PCNT: variants seen among roughly 807,000 people sequenced by gnomAD.
PCNT encodes the protein kendrin.
Under a neutral mutation model 380.4 loss-of-function variants are expected in PCNT, and 319 were observed. The ratio of observed to expected loss-of-function variants is 0.84; its 90% CI spans 0.77 to 0.92. The LOEUF (loss-of-function observed/expected upper bound fraction) is 0.92, where lower values mean the gene tolerates loss of function less well. Ranked by LOEUF, PCNT falls within the 40% of genes least tolerant of loss-of-function variation. The probability of loss-of-function intolerance (pLI) is 0.00; values close to 1 mark genes in which losing one functional copy is unlikely to be tolerated. For missense variants in PCNT, 4,400 were observed against 4,255.3 expected (o/e 1.03, Z -0.95); for synonymous variants, 1,845 against 1,735.2 (o/e 1.06, Z -1.57).
intron 29 of PCNT, among the ~76,000 whole-genome samples, chr21:46,414,334 C>A (rs561296345): frequency 1.7e-4 from 26 of 152,052 alleles, no homozygotes; most frequent in Non-Finnish European, 2.6e-4. Context: ...CTCGCCTCCT[C>A]CAGTCCAAGG....
chr21:46,396,837 G>A (rs1470879736), intron 21 of PCNT, among the ~76,000 whole-genome samples: 4 of 152,176 alleles, frequency 2.6e-5, no homozygotes, highest in South Asian at 2.1e-4. Flanking sequence ...TCCTGACGTC[G>A]AGTGATCCAC....
chr21:46,325,697 T>G (rs1666937541), intron 1 of PCNT, among the ~76,000 whole-genome samples: 1 of 152,204 alleles, frequency 6.6e-6, no homozygotes, highest in Non-Finnish European at 1.5e-5. Flanking sequence ...AAGGCTGATG[T>G]GGGATCGATC....
chr21:46,353,640 G>C (rs534646405), intron 10 of PCNT, among the ~76,000 whole-genome samples: 3 of 148,654 alleles, frequency 2.0e-5, no homozygotes, highest in African/African-American at 7.3e-5. Context: ...CCAGGCCTGC[G>C]TGTGTGTGTG....
chr21:46,403,581 CA>C (rs1200963275), intron 27 of PCNT, among the ~76,000 whole-genome samples: 1 of 121,636 alleles, frequency 8.2e-6, no homozygotes, highest in South Asian at 3.0e-4. Flanking sequence ...CCACGTGGCA[CA>C]TGCTCGGTGA....
Position 46,353,715 on chromosome 21 carries a change from G to GGTGTGTGT in PCNT, c.1680-242_1680-235dup, listed in dbSNP as rs72175446. On this transcript the variant is annotated intron_variant, in intron 10 of 46. Coordinates refer to ENST00000359568, the MANE Select transcript of PCNT (RefSeq NM_006031.6). ...TTGGTGGCAGGGGCACTCTCCTCCA[G>GGTGTGTGT]GTGTGTGTGTGTGTGTGTGTGTGTG... 0.021 allele frequency among the ~76,000 whole-genome samples: 2,693 copies of GGTGTGTGT among 128,916 alleles called. 48 individuals are homozygous for GGTGTGTGT. The highest frequency in any genetic ancestry group is 0.053 in the African/African-American group (1,845 of 35,044). The allele number at this position is 128,916 out of a possible 152,430, so 84.6% of individuals were successfully genotyped here. A position where few individuals can be genotyped will look rare whatever the true frequency, so the allele number is the denominator to read the frequency against.
chr21:46,330,424 T>G (rs565335617), intron 2 of PCNT, among the ~76,000 whole-genome samples: 1 of 152,144 alleles, frequency 6.6e-6, no homozygotes, highest in African/African-American at 2.4e-5. Flanking sequence ...TGGCTAAAAT[T>G]TATTTTCTTT....
At chr21:46,330,823 C>T (rs1188278293) in intron 2 of PCNT, among the ~76,000 whole-genome samples, 1 of 152,156 alleles carries the variant, frequency 6.6e-6, no homozygotes, top group South Asian at 2.1e-4. Context: ...TGTCCCAGGC[C>T]AGGGCACTCC....
rs555273022 is a variant in PCNT, at chr21:46,416,409, A to C, written c.6491A>C (p.Lys2164Thr). The change falls in exon 30 of 47, where the codon AAA (lysine) becomes ACA (threonine). Residue 2164 changes from lysine (K) to threonine (T), a missense_variant. Physicochemically the swap from Lys to Thr is moderately conservative, Grantham distance 78. Transcript: ENST00000359568. ...TTPGGVTDVI[K>T]NWDSLIPDEM... ...CCAGGGGGTGTAACTGATGTTATCA[A>C]AAATTGGGATTCCTTGATACCAGAT... 4 of 1,614,220 alleles carry C rather than the reference A, an allele frequency of 2.5e-6. No individual in the cohort carries two copies. In the East Asian group the frequency reaches 8.9e-5, roughly 36 times the overall value.
intron 22 of PCNT, 136 bp downstream of exon 22, chr21:46,397,630 C>G: frequency 1.3e-6 from 1 of 757,106 alleles, no homozygotes; most frequent in Middle Eastern, 2.8e-4. Context: ...CACAGGTGCA[C>G]CCAGGTCGCT....
chr21:46,370,896 A>C (rs796372098), intron 15 of PCNT, among the ~76,000 whole-genome samples: 1 of 152,130 alleles, frequency 6.6e-6, no homozygotes, highest in Non-Finnish European at 1.5e-5. Context: ...TTAGACAGGC[A>C]TGGTGGTGGG....
intron 2 of PCNT, among the ~76,000 whole-genome samples, chr21:46,333,101 A>T (rs977702770): frequency 3.9e-5 from 6 of 152,096 alleles, no homozygotes; most frequent in African/African-American, 1.4e-4. Flanking sequence ...TGACAGAGCA[A>T]GACCTTGTCT....
Position 46,430,575 on chromosome 21 carries a change from A to G in PCNT, c.7982A>G (p.Lys2661Arg). The G allele has an allele frequency of 6.4e-7, 1 of 1,561,714 alleles. No individual in the cohort carries two copies. The highest frequency in any genetic ancestry group is 1.2e-5 in the South Asian group (1 of 84,816). Residue 2661 changes from lysine (K) to arginine (R), a missense_variant, in exon 37 of 47, where the codon AAG becomes AGG. Transcript: ENST00000359568. ...ALQELESEQG[K>R]GRALQSQLEE... ...CAGGAGCTGGAGAGTGAGCAGGGGAAGGGGCGTGCCCTGCAGAGCCAGCTG... is the reference window on the plus strand; with the variant it reads ...CAGGAGCTGGAGAGTGAGCAGGGGAGGGGGCGTGCCCTGCAGAGCCAGCTG...
rs2087456183 is a variant in PCNT, at chr21:46,425,491, CT to C, written c.7180-339del. Among the ~76,000 whole-genome samples the C allele has an allele frequency of 6.6e-6, 1 of 152,250 alleles. No individual in the cohort carries two copies. The highest frequency in any genetic ancestry group is 2.1e-4 in the South Asian group (1 of 4,830). ...TCGCTGTGGACATTGGCCTAAAGCC[CT>C]GCCCTGAGCTTTGTCCAGGCTTAGG... is the stretch of plus-strand genomic sequence containing the variant. On this transcript the variant is annotated intron_variant, in intron 32 of 46. Coordinates refer to ENST00000359568, the MANE Select transcript of PCNT (RefSeq NM_006031.6). This position sits in a 1 kb window ranked among gnomAD's most constrained non-coding sequence, Gnocchi z 4.2.
In PCNT at chr21:46,357,004, A is replaced by G; in HGVS notation, c.1967A>G (p.Gln656Arg). ...ELPWVHLQGV[Q>R]DGDLEADTER... ...CCCTGGGTGCATCTCCAGGGTGTGC[A>G]GGACGGGGACTTGGAGGCCGACACA... Residue 656 changes from glutamine (Q) to arginine (R), a missense_variant, in exon 13 of 47, where the codon CAG becomes CGG. Transcript: ENST00000359568. 6.2e-7 allele frequency: 1 copy of G among 1,614,214 alleles called. No homozygotes were observed. Among genetic ancestry groups the G allele is most frequent in the Non-Finnish European group, 8.5e-7 (1 of 1,180,046 alleles).
At chr21:46,356,563 G>A (rs543644913) in intron 12 of PCNT, among the ~76,000 whole-genome samples, 2 of 152,290 alleles carry the variant, frequency 1.3e-5, no homozygotes, top group African/African-American at 4.8e-5. Context: ...AACCCTGGCA[G>A]GCCCCTGAGC....
intron 25 of PCNT, among the ~76,000 whole-genome samples, chr21:46,401,342 G>A (rs1156748716): frequency 1.3e-5 from 2 of 152,290 alleles, no homozygotes; most frequent in East Asian, 3.9e-4. Flanking sequence ...GTGGCTCTCA[G>A]TCACGTCCTG....
At chr21:46,358,631 T>G (rs998048994) in intron 13 of PCNT, among the ~76,000 whole-genome samples, 8 of 150,840 alleles carry the variant, frequency 5.3e-5, no homozygotes, top group East Asian at 1.9e-4. Flanking sequence ...TTGTTTTGTT[T>G]TTTTTTTTTT....
At chr21:46,428,648 C>G (rs1407012207) in intron 35 of PCNT, 58 bp downstream of exon 35, 11 of 1,427,700 alleles carry the variant, frequency 7.7e-6, no homozygotes, top group South Asian at 1.2e-5. Flanking sequence ...CCGCCCGACA[C>G]TCACCTGTGT....
chr21:46,365,716 A>G (rs1013383263), intron 14 of PCNT, among the ~76,000 whole-genome samples: 5 of 140,728 alleles, frequency 3.6e-5, no homozygotes, highest in East Asian at 2.2e-4. Flanking sequence ...GGTTCTGTTC[A>G]CTGCTGTGGG....
Sources: gnomAD v4.1 joint callset for allele counts (sites outside exome capture counted in the v4.1 genomes callset) on GRCh38, gnomAD v4.1.1 for gene constraint, Gnocchi (gnomAD v3.1) non-coding constraint, MANE v1.5 for transcripts, NCBI Gene and HGNC (gene_info 2026-07-23, HGNC 2026-07-21) for gene names.